TENM2: variants seen among roughly 807,000 people sequenced by gnomAD.
TENM2 encodes teneurin-2.
A neutral mutation model predicts 245.2 loss-of-function variants in TENM2; 52 were observed. The ratio of observed to expected loss-of-function variants is 0.21; its 90% CI spans 0.17 to 0.27. The LOEUF (loss-of-function observed/expected upper bound fraction) is 0.27. Ranked by LOEUF, TENM2 falls within the 10% of genes least tolerant of loss-of-function variation. The probability of loss-of-function intolerance (pLI) is 1.00; values close to 1 mark genes in which losing one functional copy is unlikely to be tolerated. For missense variants in TENM2, 3,046 were observed against 3,666.8 expected (o/e 0.83, Z 4.37); for synonymous variants, 1,363 against 1,438.9 (o/e 0.95, Z 1.19).
intron 2 of TENM2, among the ~76,000 whole-genome samples, chr5:167,569,009 G>T (rs1298565754): frequency 3.3e-5 from 5 of 149,384 alleles, no homozygotes; most frequent in Admixed American, 3.3e-4. Context: ...GGCCTGAGGG[G>T]CCCATCTTCA....
chr5:167,556,758 G>T (rs552011552), intron 2 of TENM2, among the ~76,000 whole-genome samples: 1 of 152,212 alleles, frequency 6.6e-6, no homozygotes, highest in Admixed American at 6.5e-5. Context: ...GGACATTGGG[G>T]TGAGAAGAAT....
chr5:167,699,161 C>T (rs1757982589), intron 2 of TENM2, among the ~76,000 whole-genome samples: 1 of 151,888 alleles, frequency 6.6e-6, no homozygotes, highest in Non-Finnish European at 1.5e-5. Context: ...AGAAGATAGT[C>T]CTAAATGTGT....
chr5:168,214,457 T>C (rs1763023250), intron 20 of TENM2, among the ~76,000 whole-genome samples: 1 of 152,254 alleles, frequency 6.6e-6, no homozygotes. Context: ...CACATTTCTT[T>C]ACACTAAATG....
At chr5:166,984,080 T>C in the TENM2 span, among the ~76,000 whole-genome samples, 1 of 152,086 alleles carries the variant, frequency 6.6e-6, no homozygotes, top group Non-Finnish European at 1.5e-5. Flanking sequence ...TTTGAAAAAA[T>C]ATTAGAAGTT....
chr5:167,451,522 A>T (rs903561232), intron 2 of TENM2, among the ~76,000 whole-genome samples: 1 of 152,138 alleles, frequency 6.6e-6, no homozygotes, highest in African/African-American at 2.4e-5. Flanking sequence ...ACAGAAAAGA[A>T]TAGTCCAGGC....
the TENM2 span, among the ~76,000 whole-genome samples, chr5:166,979,309 C>CG: frequency 6.7e-6 from 1 of 150,130 alleles, no homozygotes; most frequent in Non-Finnish European, 1.5e-5. Flanking sequence ...TTGGGGAGTC[C>CG]GGGGGGCGGG....
intron 2 of TENM2, among the ~76,000 whole-genome samples, chr5:167,700,020 T>A (rs1758034207): frequency 6.6e-6 from 1 of 152,008 alleles, no homozygotes; most frequent in Admixed American, 6.6e-5. Context: ...TCAGGGAAAA[T>A]TTTTACATAG....
At chr5:167,000,583 T>C in the TENM2 span, among the ~76,000 whole-genome samples, 1 of 152,202 alleles carries the variant, frequency 6.6e-6, no homozygotes, top group Admixed American at 6.5e-5. Context: ...GGTCATCATA[T>C]AGACTTGATT....
At chr5:167,034,336 G>A in the TENM2 span, among the ~76,000 whole-genome samples, 1 of 149,892 alleles carries the variant, frequency 6.7e-6, no homozygotes, top group Admixed American at 6.7e-5. Context: ...AGGTGTACAT[G>A]TGAAATTATT....
intron 1 of TENM2, among the ~76,000 whole-genome samples, chr5:167,305,827 C>A (rs1021103506): frequency 6.6e-6 from 1 of 152,148 alleles, no homozygotes; most frequent in Non-Finnish European, 1.5e-5. Flanking sequence ...TGCCAGGGAT[C>A]CTCCAGTGCA....
intron 2 of TENM2, among the ~76,000 whole-genome samples, chr5:167,515,653 ATATATACGTATATATG>A (rs1770307221): frequency 9.1e-6 from 1 of 109,598 alleles, no homozygotes; most frequent in Non-Finnish European, 1.9e-5. Flanking sequence ...ATATATACAC[ATATATACGTATATATG>A]TGTATATATA....
intron 7 of TENM2, among the ~76,000 whole-genome samples, chr5:168,075,681 T>G (rs945959825): frequency 6.6e-6 from 1 of 152,202 alleles, no homozygotes; most frequent in African/African-American, 2.4e-5. Flanking sequence ...ACCCATGGTG[T>G]TGTTTGTATC....
chr5:167,656,263 A>C (rs1338061859), intron 2 of TENM2, among the ~76,000 whole-genome samples: 1 of 152,188 alleles, frequency 6.6e-6, no homozygotes, highest in Admixed American at 6.5e-5. Flanking sequence ...GAGAAGAACC[A>C]TAGAAGAACC....
chr5:167,531,392 T>A (rs1405159083), intron 2 of TENM2, among the ~76,000 whole-genome samples: 2 of 152,208 alleles, frequency 1.3e-5, no homozygotes, highest in African/African-American at 4.8e-5. Flanking sequence ...TAAAATTGTA[T>A]CTATTTGCAA....
chr5:167,321,197 AC>A (rs1205048150), intron 1 of TENM2, among the ~76,000 whole-genome samples: 3 of 151,340 alleles, frequency 2.0e-5, no homozygotes, highest in Admixed American at 2.0e-4. Context: ...ATATGTATTC[AC>A]AAAATTAAAA....
At chr5:167,948,498 A>G (rs1052123977) in intron 3 of TENM2, among the ~76,000 whole-genome samples, 19 of 151,924 alleles carry the variant, frequency 1.3e-4, no homozygotes, top group African/African-American at 4.4e-4. Flanking sequence ...CCTTACTTAT[A>G]CCTCCCCTGG....
intron 7 of TENM2, among the ~76,000 whole-genome samples, chr5:168,070,983 GAA>G (rs1405912470): frequency 6.6e-6 from 1 of 151,258 alleles, no homozygotes; most frequent in East Asian, 2.0e-4. Flanking sequence ...AAAGGGAAAG[GAA>G]AAGAGAAAGA....
intron 17 of TENM2, 150 bp downstream of exon 19, chr5:168,200,281 G>A (rs989334323): frequency 1.4e-5 from 10 of 725,824 alleles, no homozygotes; most frequent in East Asian, 2.7e-5. Context: ...CCTCTTCCAC[G>A]GGGTTTACAT....
At chr5:168,012,931 C>T (rs1785362954) in intron 5 of TENM2, among the ~76,000 whole-genome samples, 2 of 152,278 alleles carry the variant, frequency 1.3e-5, no homozygotes, top group African/African-American at 4.8e-5. Flanking sequence ...CTCCACTTTG[C>T]CATTCCCAGC....
Sources: gnomAD v4.1 joint callset for allele counts (sites outside exome capture counted in the v4.1 genomes callset) on GRCh38, gnomAD v4.1.1 for gene constraint, MANE v1.5 for transcripts, NCBI Gene and HGNC (gene_info 2026-07-23, HGNC 2026-07-21) for gene names.